Variants in PCLO observed in about 807,000 individuals in gnomAD.
The protein encoded by PCLO is protein piccolo.
A neutral mutation model predicts 427.5 loss-of-function variants in PCLO; 82 were observed. The observed-to-expected ratio is 0.19, with a 90% CI of 0.16 to 0.23. The LOEUF (loss-of-function observed/expected upper bound fraction) is 0.23. Ranked by LOEUF, PCLO falls within the 10% of genes least tolerant of loss-of-function variation. The pLI is 1.00. For missense variants in PCLO, 6,239 were observed against 6,115.9 expected (o/e 1.02, Z -0.67); for synonymous variants, 2,357 against 2,155.4 (o/e 1.09, Z -2.59).
chr7:82,910,567 T>A lies in PCLO; in HGVS notation c.13301-1554A>T, dbSNP rs75710092. Among the ~76,000 whole-genome samples, 599 of 152,234 alleles carry A rather than the reference T, an allele frequency of 3.9e-3. 4 individuals are homozygous for A. The highest frequency in any genetic ancestry group is 7.1e-3 in the Non-Finnish European group (484 of 68,016). The stretch of plus-strand genomic sequence containing the variant: ...GCTTATATTGTCTTTTTTTTCCCCT[T>A]CCCTCAATACTAAAATCAATGCCCT... On this transcript the variant is annotated intron_variant, in intron 7 of 24. Coordinates refer to ENST00000333891, the MANE Select transcript of PCLO (RefSeq NM_033026.6).
chr7:82,929,945 A>C (rs544125336), intron 6 of PCLO, among the ~76,000 whole-genome samples: 5 of 152,182 alleles, frequency 3.3e-5, no homozygotes, highest in Non-Finnish European at 5.9e-5. Context: ...TTATGACACA[A>C]AGATGAATGA....
chr7:82,916,901 C>T (rs769678820), intron 6 of PCLO, 28 bp from the exon 7 acceptor site: 1 of 1,461,958 alleles, frequency 6.8e-7, no homozygotes, highest in Non-Finnish European at 9.2e-7. Flanking sequence ...AAATATAGTA[C>T]TTTAGTATAA....
chr7:83,041,716 G>T (rs894551684), intron 3 of PCLO, among the ~76,000 whole-genome samples: 5 of 152,110 alleles, frequency 3.3e-5, no homozygotes, highest in Non-Finnish European at 7.4e-5. Context: ...ATTTAATCAA[G>T]TGTCCATTCT....
At position 83,119,661 on chromosome 7, in the gene PCLO, AG is replaced by A. The variant is rs374509728; in HGVS notation, c.3300+14588del. Among the ~76,000 whole-genome samples, 71 of 152,190 alleles carry A rather than the reference AG, an allele frequency of 4.7e-4. No individual in the cohort carries two copies. The East Asian group carries it at 0.014, about 29-fold the overall frequency. ...ACATCCACAAACATAAAAAACATCCAGGAAAAAAATGACCTCACTAAATGAA... is the reference window on the plus strand; with the variant it reads ...ACATCCACAAACATAAAAAACATCCAGAAAAAAATGACCTCACTAAATGAA... On this transcript the variant is annotated intron_variant, in intron 3 of 24. Transcript: ENST00000333891.
intron 10 of PCLO, among the ~76,000 whole-genome samples, chr7:82,862,533 A>C (rs1792984421): frequency 6.7e-6 from 1 of 149,942 alleles, no homozygotes; most frequent in Non-Finnish European, 1.5e-5. Flanking sequence ...ACAACAGCTA[A>C]GAATTGGAAG....
intron 2 of PCLO, among the ~76,000 whole-genome samples, chr7:83,150,524 G>T (rs1333204878): frequency 6.6e-6 from 1 of 152,160 alleles, no homozygotes; most frequent in Non-Finnish European, 1.5e-5. Flanking sequence ...GTTGGGTCGG[G>T]GAGTGATGAT....
intron 2 of PCLO, among the ~76,000 whole-genome samples, chr7:83,142,322 A>C (rs932374212): frequency 6.6e-6 from 1 of 152,152 alleles, no homozygotes; most frequent in South Asian, 2.1e-4. Flanking sequence ...TTGGGCTCTT[A>C]CTTTTAAACT....
At chr7:82,812,323 T>C (rs1003480995) in intron 20 of PCLO, among the ~76,000 whole-genome samples, 5 of 151,664 alleles carry the variant, frequency 3.3e-5, no homozygotes, top group Non-Finnish European at 5.9e-5. Context: ...GCTTAACTAA[T>C]AGCACGGTAT....
At chr7:82,919,144 T>C (rs1211960401) in intron 6 of PCLO, among the ~76,000 whole-genome samples, 1 of 151,988 alleles carries the variant, frequency 6.6e-6, no homozygotes, top group Non-Finnish European at 1.5e-5. Context: ...TGCTCTTATG[T>C]ATTGATGGGT....
chr7:83,157,684 C>A (rs900987936), intron 1 of PCLO, among the ~76,000 whole-genome samples: 17 of 151,674 alleles, frequency 1.1e-4, no homozygotes, highest in African/African-American at 2.4e-5. Flanking sequence ...TAAAATAATT[C>A]ATACTTTAGT....
chr7:83,117,520 G>T (rs1218694777), intron 3 of PCLO, among the ~76,000 whole-genome samples: 1 of 152,190 alleles, frequency 6.6e-6, no homozygotes, highest in Non-Finnish European at 1.5e-5. Flanking sequence ...GTTTGCAACA[G>T]GCAGCCTCAA....
chr7:82,809,610 A>ATAATAATAT (rs1791527016), intron 20 of PCLO, among the ~76,000 whole-genome samples: 1 of 151,116 alleles, frequency 6.6e-6, no homozygotes. Flanking sequence ...AGTAATAATA[A>ATAATAATAT]TAATAATACA....
intron 2 of PCLO, among the ~76,000 whole-genome samples, chr7:83,139,641 G>T (rs1791815511): frequency 6.6e-6 from 1 of 152,124 alleles, no homozygotes; most frequent in South Asian, 2.1e-4. Context: ...AGAGAATTCT[G>T]CTTTTCTCCT....
rs369199414 is a variant in PCLO, at chr7:82,956,147, T to G, written c.4806A>C (p.Lys1602Asn). 20 of 1,608,640 alleles carry G rather than the reference T, an allele frequency of 1.2e-5. No homozygotes were observed. The highest frequency in any genetic ancestry group is 1.7e-5 in the Non-Finnish European group (20 of 1,179,850). Residue 1602 changes from lysine to asparagine, a missense_variant, in exon 5 of 25, where the codon AAA becomes AAC. Lys to Asn is a moderately conservative substitution (Grantham distance 94). This residue lies in a region of PCLO where 4,677 missense variants were observed against 4,468.4 expected (regional missense o/e 1.05). Transcript: ENST00000333891. ...QKKEETKGKG[K>N]ITAGKHRRLT... ...GTCGTCTGTGTTTCCCTGCTGTTAT[T>G]TTGCCTTTTCCCTTTGTTTCTTCCT... is the stretch of plus-strand genomic sequence containing the variant.
chr7:83,049,933 G>A (rs1789192281), intron 3 of PCLO, among the ~76,000 whole-genome samples: 2 of 151,450 alleles, frequency 1.3e-5, no homozygotes, highest in African/African-American at 2.4e-5. Context: ...ATGAATAAAT[G>A]GTACAAAAAT....
intron 20 of PCLO, chr7:82,821,765 C>T: frequency 1.0e-6 from 1 of 982,696 alleles, no homozygotes; most frequent in East Asian, 1.1e-4. Flanking sequence ...TGTGATCCAA[C>T]AGAATGGACC....
chr7:82,851,466 A>C (rs1006536913), intron 10 of PCLO, among the ~76,000 whole-genome samples: 1 of 152,086 alleles, frequency 6.6e-6, no homozygotes, highest in Non-Finnish European at 1.5e-5. Flanking sequence ...ATCATTACAT[A>C]TTTTATGAAT....
intron 3 of PCLO, among the ~76,000 whole-genome samples, chr7:83,107,773 G>C (rs192551812): frequency 6.6e-6 from 1 of 151,330 alleles, no homozygotes; most frequent in Non-Finnish European, 1.5e-5. Flanking sequence ...GGCAGATCAC[G>C]AGGTGAAGAG....
intron 3 of PCLO, among the ~76,000 whole-genome samples, chr7:83,026,786 T>G (rs1326114737): frequency 6.7e-6 from 1 of 149,474 alleles, no homozygotes; most frequent in African/African-American, 2.4e-5. Flanking sequence ...AAACTAGAAC[T>G]CAGGATTAAG....
Sources: allele counts gnomAD v4.1 joint callset (sites outside exome capture counted in the v4.1 genomes callset), GRCh38; gene constraint gnomAD v4.1.1; regional missense constraint gnomAD v4.1.1; transcripts MANE v1.5; gene names NCBI Gene and HGNC (gene_info 2026-07-23, HGNC 2026-07-21).